Variants in RBFOX1 observed in about 807,000 individuals in gnomAD.
RBFOX1 encodes RNA binding protein fox-1 homolog 1.
In RBFOX1, 8 loss-of-function variants were observed where a neutral mutation model predicts 57.7. The observed-to-expected ratio is 0.14, with a 90% confidence interval of 0.08 to 0.25. RBFOX1 has a LOEUF of 0.25. Among genes scored for constraint, RBFOX1 ranks in the 10% least tolerant of loss-of-function variants. RBFOX1 has a pLI of 1.00. For synonymous variants in RBFOX1, 326 were observed against 222.4 expected (o/e 1.47, Z -4.15); for missense variants, 611 against 548.5 (o/e 1.11, Z -1.14).
chr16:6,496,217 C>T (rs977462666), intron 2 of RBFOX1, among the ~76,000 whole-genome samples: 2 of 151,984 alleles, frequency 1.3e-5, no homozygotes, highest in Non-Finnish European at 2.9e-5. Flanking sequence ...TTCTATTGTC[C>T]TGCAAATTTA....
chr16:6,149,556 A>G (rs1221719983), intron 1 of RBFOX1, among the ~76,000 whole-genome samples: 1 of 152,206 alleles, frequency 6.6e-6, no homozygotes, highest in Non-Finnish European at 1.5e-5. Flanking sequence ...TGGGTGAAAT[A>G]ATGTGAGTAA....
chr16:7,392,201 C>A (rs530102504), intron 4 of RBFOX1, among the ~76,000 whole-genome samples: 1 of 152,274 alleles, frequency 6.6e-6, no homozygotes, highest in East Asian at 1.9e-4. Flanking sequence ...CATTTTCAGA[C>A]CTCTGCCTAC....
At chr16:7,619,950 C>A (rs2059054628) in intron 10 of RBFOX1, among the ~76,000 whole-genome samples, 1 of 152,146 alleles carries the variant, frequency 6.6e-6, no homozygotes, top group Admixed American at 6.5e-5. Flanking sequence ...ATGGTCTGTC[C>A]CCTGACTTCC....
At chr16:5,385,202 G>A (rs1037242528) in intron 1 of RBFOX1, among the ~76,000 whole-genome samples, 1 of 152,100 alleles carries the variant, frequency 6.6e-6, no homozygotes, top group African/African-American at 2.4e-5. Context: ...ACCCTGCAGG[G>A]TTACACACTG....
At chr16:6,256,177 A>ATATGTATATATATGTC (rs1555582278) in intron 1 of RBFOX1, among the ~76,000 whole-genome samples, 1 of 19,464 alleles carries the variant, frequency 5.1e-5, no homozygotes. Flanking sequence ...ATATGTATAT[A>ATATGTATATATATGTC]TATATATACG....
intron 3 of RBFOX1, among the ~76,000 whole-genome samples, chr16:6,970,460 C>T (rs555584104): frequency 2.6e-5 from 4 of 152,240 alleles, no homozygotes; most frequent in South Asian, 4.2e-4. Context: ...AATGTATCAA[C>T]AATGGGAGTA....
chr16:6,058,316 C>T (rs1321535765), intron 1 of RBFOX1, among the ~76,000 whole-genome samples: 4 of 151,272 alleles, frequency 2.6e-5, no homozygotes, highest in African/African-American at 9.7e-5. Flanking sequence ...TCTTCTTCCT[C>T]CCTCCTCTCC....
intron 4 of RBFOX1, among the ~76,000 whole-genome samples, chr16:5,929,339 T>C (rs2059000704): frequency 6.6e-6 from 1 of 152,086 alleles, no homozygotes; most frequent in Admixed American, 6.5e-5. Context: ...TCTCTCTCTT[T>C]CTCTGCCCAC....
intron 4 of RBFOX1, among the ~76,000 whole-genome samples, chr16:7,216,329 T>C (rs1603286026): frequency 1.4e-5 from 1 of 71,544 alleles, no homozygotes; most frequent in Admixed American, 1.8e-4. Flanking sequence ...TAAGCCACTG[T>C]TTTTTTCTTC....
intron 3 of RBFOX1, among the ~76,000 whole-genome samples, chr16:5,817,949 A>C (rs7201622): frequency 0.022 from 3,264 of 151,598 alleles, 133 homozygotes; most frequent in African/African-American, 0.074. Context: ...CTCGGCCTCC[A>C]AAAGTGCTGG....
intron 1 of RBFOX1, among the ~76,000 whole-genome samples, chr16:6,249,482 C>T (rs1330230849): frequency 1.3e-5 from 2 of 152,154 alleles, no homozygotes; most frequent in African/African-American, 2.4e-5. Context: ...CAAGATCGTG[C>T]CACTGCACTC....
At chr16:6,929,286 T>G (rs1414801153) in intron 3 of RBFOX1, among the ~76,000 whole-genome samples, 1 of 152,146 alleles carries the variant, frequency 6.6e-6, no homozygotes, top group African/African-American at 2.4e-5. Context: ...GGTAGGAAAC[T>G]GGGGAAGCTC....
chr16:6,236,389 CCTGA>C (rs1329961921), intron 1 of RBFOX1, among the ~76,000 whole-genome samples: 1 of 151,954 alleles, frequency 6.6e-6, no homozygotes, highest in African/African-American at 2.4e-5. Context: ...TAGCAGAGTA[CCTGA>C]AATACAGGAA....
chr16:7,374,511 A>G (rs1315960514), intron 4 of RBFOX1, among the ~76,000 whole-genome samples: 2 of 152,308 alleles, frequency 1.3e-5, no homozygotes, highest in East Asian at 3.9e-4. Context: ...CAATATGTAT[A>G]TTAATGCTTT....
At chr16:6,856,088 G>A (rs1399800180) in intron 3 of RBFOX1, among the ~76,000 whole-genome samples, 1 of 150,390 alleles carries the variant, frequency 6.6e-6, no homozygotes. Context: ...ATGAAATGAA[G>A]ACCCTTCCCT....
chr16:6,203,797 G>T (rs982813061), intron 1 of RBFOX1, among the ~76,000 whole-genome samples: 5 of 152,084 alleles, frequency 3.3e-5, no homozygotes, highest in African/African-American at 1.2e-4. Flanking sequence ...TTTGGAGGTG[G>T]CTCAAAAACT....
chr16:6,881,271 G>C lies in RBFOX1; in HGVS notation c.-15-170786G>C, dbSNP rs114122571. ...CCAAGATTGGACCTAGGTGGGGAGA[G>C]AGCAAAGGAAGGGGTAAAACCTATC... On this transcript the variant is annotated intron_variant, in intron 3 of 15. Coordinates refer to ENST00000550418, the MANE Select transcript of RBFOX1 (RefSeq NM_018723.4). Among the ~76,000 whole-genome samples, 519 of 152,318 alleles carry C rather than the reference G, an allele frequency of 3.4e-3. 4 individuals are homozygous for C. The highest frequency in any genetic ancestry group is 0.012 in the African/African-American group (488 of 41,572).
chr16:6,759,970 C>G (rs939045698), intron 3 of RBFOX1, among the ~76,000 whole-genome samples: 2 of 151,996 alleles, frequency 1.3e-5, no homozygotes, highest in African/African-American at 4.8e-5. Context: ...TTGTATCAGC[C>G]CTTGTGGAGT....
chr16:5,980,420 C>T (rs182537452), intron 4 of RBFOX1, among the ~76,000 whole-genome samples: 1 of 152,206 alleles, frequency 6.6e-6, no homozygotes, highest in East Asian at 1.9e-4. Context: ...TGGGGAGCTT[C>T]AGGGTGTCTC....
Sources: gnomAD v4.1 joint callset for allele counts (sites outside exome capture counted in the v4.1 genomes callset) on GRCh38, gnomAD v4.1.1 for gene constraint, MANE v1.5 for transcripts, NCBI Gene and HGNC (gene_info 2026-07-23, HGNC 2026-07-21) for gene names.